ODF2L: variants seen among roughly 807,000 people sequenced by gnomAD.
The protein encoded by ODF2L is outer dense fiber of sperm tails 2 like.
A neutral mutation model predicts 86.3 loss-of-function variants in ODF2L; 76 were observed. The ratio of observed to expected loss-of-function variants is 0.88; its 90% CI spans 0.73 to 1.07. The LOEUF (loss-of-function observed/expected upper bound fraction) is 1.07. Ranked by LOEUF, ODF2L falls within the 50% of genes least tolerant of loss-of-function variation. The pLI is 0.00. For missense variants in ODF2L, 748 were observed against 717.4 expected (o/e 1.04, Z -0.49); for synonymous variants, 241 against 231.3 (o/e 1.04, Z -0.38).
chr1:86,383,114 G>T lies in ODF2L; in HGVS notation c.435+20C>A. The T allele has an allele frequency of 6.7e-7, 1 of 1,491,578 alleles. No individual in the cohort carries two copies. Among genetic ancestry groups the T allele is most frequent in the Non-Finnish European group, 9.3e-7 (1 of 1,075,844 alleles). The allele number at this position is 1,491,578 out of a possible 1,614,324, so 92.4% of individuals were successfully genotyped here. On this transcript the variant is annotated intron_variant, in intron 5 of 17. Coordinates refer to ENST00000317336, the Ensembl canonical transcript of ODF2L. Reference sequence around the variant, plus strand: ...CAATGACAGGAAGAATGGACACAAAGTAAGTGTGGAAAGACTTACAGTATT... The same window carrying T: ...CAATGACAGGAAGAATGGACACAAATTAAGTGTGGAAAGACTTACAGTATT...
intron 7 of ODF2L, among the ~76,000 whole-genome samples, chr1:86,381,294 CATCAGATGTATTCA>C (rs1407136041): frequency 6.6e-6 from 1 of 152,098 alleles, no homozygotes. Context: ...TTCAATCATA[CATCAGATGTATTCA>C]ATCACATGTG....
At position 86,386,845 on chromosome 1, in the gene ODF2L, T is replaced by G. The variant is rs189628008; in HGVS notation, c.113+70A>C. The G allele has an allele frequency of 4.4e-4, 328 of 742,408 alleles. 2 individuals are homozygous for G. The East Asian group carries it at 7.3e-3, about 17-fold the overall frequency. The allele number at this position is 742,408 out of a possible 1,614,324, so 46.0% of individuals were successfully genotyped here. A position where few individuals can be genotyped will look rare whatever the true frequency, so the allele number is the denominator to read the frequency against. ...GAATGCTGTATTTGATTCAAATAAT[T>G]TATATTATAGACAAAACAGGAAATC... On this transcript the variant is annotated intron_variant, in intron 2 of 17. Coordinates refer to ENST00000317336, the Ensembl canonical transcript of ODF2L.
intron 11 of ODF2L, among the ~76,000 whole-genome samples, chr1:86,361,103 T>C (rs1209578782): frequency 6.6e-6 from 1 of 152,212 alleles, no homozygotes; most frequent in Non-Finnish European, 1.5e-5. Flanking sequence ...TAAAAGAAGA[T>C]ATGTAGAAAT....
intron 11 of ODF2L, among the ~76,000 whole-genome samples, chr1:86,366,391 T>TAC (rs71643841): frequency 0.13 from 15,595 of 119,050 alleles, 1,113 homozygotes; most frequent in Non-Finnish European, 0.18. Flanking sequence ...AGACCCCACC[T>TAC]ACACACACAC....
chr1:86,352,834 T>A (rs757656884), intron 17 of ODF2L, 25 bp downstream of exon 16: 3 of 1,373,096 alleles, frequency 2.2e-6, no homozygotes, highest in Non-Finnish European at 3.0e-6. Context: ...TCTTTTATAA[T>A]ATGTTAAGCC....
chr1:86,373,693 C>T (rs2101064137), intron 8 of ODF2L, among the ~76,000 whole-genome samples: 1 of 152,142 alleles, frequency 6.6e-6, no homozygotes, highest in South Asian at 2.1e-4. Flanking sequence ...GTGATATACA[C>T]AGAAACTATC....
intron 12 of ODF2L, among the ~76,000 whole-genome samples, chr1:86,359,225 C>A (rs866971734): frequency 3.6e-5 from 5 of 137,556 alleles, no homozygotes; most frequent in Admixed American, 7.6e-5. Context: ...ATTTTTCCCA[C>A]CAAATCAAAA....
chr1:86,366,180 T>C (rs1659400201), intron 11 of ODF2L, among the ~76,000 whole-genome samples: 1 of 152,036 alleles, frequency 6.6e-6, no homozygotes, highest in Non-Finnish European at 1.5e-5. Context: ...GTCTCATTTG[T>C]AAATTTTTAA....
chr1:86,366,605 C>CAAAAA (rs10659852), intron 11 of ODF2L, among the ~76,000 whole-genome samples: 17,044 of 137,804 alleles, frequency 0.12, 1,475 homozygotes, highest in Middle Eastern at 0.19. Flanking sequence ...GACTCTGTCT[C>CAAAAA]AAAAAAAAAA....
chr1:86,378,929 G>A (rs116327868), intron 7 of ODF2L, among the ~76,000 whole-genome samples: 194 of 152,118 alleles, frequency 1.3e-3, no homozygotes, highest in African/African-American at 4.4e-3. Flanking sequence ...GGCCTGGTGG[G>A]AGGTGGTTGG....
At chr1:86,358,883 C>T (rs769314878) in exon 13 of ODF2L, 2 of 1,488,294 alleles carry the variant, frequency 1.3e-6, no homozygotes, top group Admixed American at 2.0e-5. Context: ...CTTCTTGCAA[C>T]TTTTGTACCT....
At chr1:86,371,633 A>G (rs1427200296) in intron 9 of ODF2L, among the ~76,000 whole-genome samples, 1 of 152,156 alleles carries the variant, frequency 6.6e-6, no homozygotes. Context: ...GGTTCATTAT[A>G]GTGTTATCAG....
At chr1:86,369,588 A>G (rs1374542563) in intron 10 of ODF2L, among the ~76,000 whole-genome samples, 1 of 152,190 alleles carries the variant, frequency 6.6e-6, no homozygotes, top group Non-Finnish European at 1.5e-5. Context: ...CAAGATGAGA[A>G]AAGTTACAAC....
At chr1:86,382,504 A>G (rs1660658718) in intron 6 of ODF2L, 146 bp from the exon 7 acceptor site, 1 of 1,345,090 alleles carries the variant, frequency 7.4e-7, no homozygotes, top group African/African-American at 1.5e-5. Flanking sequence ...TGCCGCCCCT[A>G]TTACAAATGT....
At chr1:86,355,533 T>A in intron 14 of ODF2L, 1 of 614,616 alleles carries the variant, frequency 1.6e-6, no homozygotes, top group Non-Finnish European at 2.9e-6. Context: ...TCTGCATATT[T>A]TTATCTAACT....
intron 4 of ODF2L, 22 bp downstream of exon 4, chr1:86,384,654 G>A: frequency 7.4e-7 from 1 of 1,350,134 alleles, no homozygotes. Flanking sequence ...ATTAAAATGA[G>A]TGCTTAGTGT....
At chr1:86,368,809 C>CTGAA in intron 10 of ODF2L, 1 of 1,144,302 alleles carries the variant, frequency 8.7e-7, no homozygotes, top group Non-Finnish European at 1.1e-6. Flanking sequence ...TGGGAATAAC[C>CTGAA]TGAATGTCCA....
chr1:86,360,458 G>GT lies in ODF2L; in HGVS notation c.1221dup (p.Gln408ThrfsTer6), dbSNP rs761049141. ...TTATACATTTCAATAAGGGTTTTCT[G>GT]TTTTTTTTCTACTTCTTGCAATTCT... On this transcript the variant is annotated frameshift_variant, in exon 12 of 18. Coordinates refer to ENST00000317336, the Ensembl canonical transcript of ODF2L. LOFTEE classifies it high-confidence loss of function. The GT allele has an allele frequency of 1.7e-4, 266 of 1,576,288 alleles. No individual in the cohort carries two copies. The highest frequency in any genetic ancestry group is 2.0e-4 in the Non-Finnish European group (232 of 1,149,710).
At chr1:86,359,622 C>A (rs563035143) in intron 12 of ODF2L, among the ~76,000 whole-genome samples, 145 of 149,140 alleles carry the variant, frequency 9.7e-4, no homozygotes, top group Non-Finnish European at 1.5e-3. Context: ...CTCCTGGATT[C>A]AAGCAATTCT....
Sources: gnomAD v4.1 joint callset for allele counts (sites outside exome capture counted in the v4.1 genomes callset) on GRCh38, gnomAD v4.1.1 for gene constraint, MANE v1.5 for transcripts, NCBI Gene and HGNC (gene_info 2026-07-23, HGNC 2026-07-21) for gene names.